The following RECQL variants were observed in gnomAD, a reference collection of about 807,000 sequenced individuals.
The protein encoded by RECQL is ATP-dependent DNA helicase Q1.
A neutral mutation model predicts 75.8 loss-of-function variants in RECQL; 73 were observed. That is an observed-to-expected ratio of 0.96 (90% CI 0.80 to 1.17). The LOEUF (loss-of-function observed/expected upper bound fraction) is 1.17. Ranked by LOEUF, RECQL falls within the 50% of genes most tolerant of loss-of-function variation. The probability of loss-of-function intolerance (pLI) is 0.00; values close to 1 mark genes in which losing one functional copy is unlikely to be tolerated. For synonymous variants in RECQL, 248 were observed against 254.4 expected (o/e 0.97, Z 0.24); for missense variants, 699 against 772.1 (o/e 0.91, Z 1.12).
intron 12 of RECQL, 133 bp from the exon 13 acceptor site, chr12:21,471,780 T>G (rs1317464898): frequency 4.4e-6 from 3 of 678,822 alleles, no homozygotes; most frequent in Non-Finnish European, 7.5e-6. Flanking sequence ...TTTTTAAATG[T>G]ATTCTGAATT....
chr12:21,496,056 C>T (rs760677213), intron 2 of RECQL, among the ~76,000 whole-genome samples: 8 of 152,208 alleles, frequency 5.3e-5, no homozygotes, highest in Non-Finnish European at 8.8e-5. Context: ...CCTTTACCAA[C>T]CAATACAGCA....
intron 2 of RECQL, among the ~76,000 whole-genome samples, chr12:21,497,735 A>G (rs1490163823): frequency 6.6e-6 from 1 of 152,210 alleles, no homozygotes; most frequent in African/African-American, 2.4e-5. Context: ...GACATTGACC[A>G]CACTTGTCCT....
At chr12:21,498,788 C>T (rs1053172697) in intron 2 of RECQL, among the ~76,000 whole-genome samples, 3 of 152,166 alleles carry the variant, frequency 2.0e-5, no homozygotes, top group African/African-American at 7.2e-5. Context: ...AGCAAAGACC[C>T]ATTACCAACT....
chr12:21,489,311 A>C (rs1245533989), intron 4 of RECQL, among the ~76,000 whole-genome samples: 1 of 152,212 alleles, frequency 6.6e-6, no homozygotes, highest in Non-Finnish European at 1.5e-5. Context: ...CAAGGAGACC[A>C]TATGGACCAC....
At position 21,471,023 on chromosome 12, in the gene RECQL, A is replaced by T. The variant is rs1252730738; in HGVS notation, c.1743T>A (p.Asn581Lys). The change falls in exon 14 of 15, where the codon AAT becomes AAA. Residue 581 changes from asparagine to lysine, a missense_variant. Asn to Lys is a moderately conservative substitution (Grantham distance 94). Around this residue, in one of 2 missense-constraint regions of RECQL, gnomAD observed 669 missense variants for 713.5 expected, o/e 0.94. Coordinates refer to ENST00000444129, the MANE Select transcript of RECQL (RefSeq NM_002907.4). ...CTTGCATAGTAATAGCATGTGCCTC[A>T]TTGTTCAGAAGATTAGCTTTAGGTC... ...KIGPKANLLN[N>K]EAHAITMQVT... 3 of 1,598,914 alleles carry T rather than the reference A, an allele frequency of 1.9e-6. No individual in the cohort carries two copies. Among genetic ancestry groups the T allele is most frequent in the Non-Finnish European group, 2.6e-6 (3 of 1,174,152 alleles).
At chr12:21,497,887 T>C (rs1943537660) in intron 2 of RECQL, among the ~76,000 whole-genome samples, 1 of 152,208 alleles carries the variant, frequency 6.6e-6, no homozygotes, top group South Asian at 2.1e-4. Flanking sequence ...CACCATTCTC[T>C]GTGGGGACAG....
chr12:21,484,521 G>T (rs1159497901), intron 5 of RECQL, among the ~76,000 whole-genome samples: 1 of 152,072 alleles, frequency 6.6e-6, no homozygotes, highest in Non-Finnish European at 1.5e-5. Context: ...GAATGACATG[G>T]AGTTTAAATA....
At chr12:21,490,593 T>G (rs918802397) in intron 3 of RECQL, among the ~76,000 whole-genome samples, 3 of 152,150 alleles carry the variant, frequency 2.0e-5, no homozygotes, top group African/African-American at 4.8e-5. Flanking sequence ...GCCTATAATC[T>G]CAACAGTTTT....
In RECQL at chr12:21,477,002, A is replaced by C. The variant is rs752255394; in HGVS notation, c.868-10T>G. On this transcript the variant is annotated splice_polypyrimidine_tract_variant and intron_variant, in intron 7 of 14. Transcript: ENST00000444129. ...AGGGCTTCTGCCGAACCTAAAAAAA[A>C]CTTAACTTATTAAAAAGTAAATGAA... 2 of 1,596,758 alleles carry C rather than the reference A, an allele frequency of 1.3e-6. No individual in the cohort carries two copies. Among genetic ancestry groups the C allele is most frequent in the Non-Finnish European group, 1.7e-6 (2 of 1,171,330 alleles).
At chr12:21,484,318 T>G (rs1357653133) in intron 5 of RECQL, among the ~76,000 whole-genome samples, 1 of 152,190 alleles carries the variant, frequency 6.6e-6, no homozygotes, top group Non-Finnish European at 1.5e-5. Flanking sequence ...AGATATATTC[T>G]AGGATACAGA....
intron 12 of RECQL, 61 bp downstream of exon 12, chr12:21,473,488 ATC>A: frequency 8.1e-7 from 1 of 1,239,894 alleles, no homozygotes; most frequent in South Asian, 1.2e-5. Flanking sequence ...CTCAGAACGT[ATC>A]TCTGTCACTA....
chr12:21,472,832 T>C (rs1163329374), intron 12 of RECQL, among the ~76,000 whole-genome samples: 1 of 152,124 alleles, frequency 6.6e-6, no homozygotes. Flanking sequence ...ATAGTCTCTA[T>C]TTTGCACTAA....
chr12:21,498,688 C>G (rs192550750), intron 2 of RECQL, among the ~76,000 whole-genome samples: 1 of 152,194 alleles, frequency 6.6e-6, no homozygotes, highest in African/African-American at 2.4e-5. Flanking sequence ...TCTAGTGCAC[C>G]TCTCAGTATT....
Position 21,471,524 on chromosome 12 carries a change from G to A in RECQL, c.1571C>T (p.Ala524Val), listed in dbSNP as rs2137316464. 6.2e-7 allele frequency: 1 copy of A among 1,612,446 alleles called. No individual in the cohort carries two copies. The highest frequency in any genetic ancestry group is 1.1e-5 in the South Asian group (1 of 90,786). The change falls in exon 13 of 15, where the codon GCA becomes GTA. Residue 524 changes from alanine (A) to valine (V), a missense_variant. Physicochemically the swap from Ala to Val is moderately conservative, Grantham distance 64. This residue lies in a region of RECQL where 669 missense variants were observed against 713.5 expected (regional missense o/e 0.94). Coordinates refer to ENST00000444129, the MANE Select transcript of RECQL (RefSeq NM_002907.4). The stretch of plus-strand genomic sequence containing the variant: ...AACACCTGCTACTCTCAGTTTTGCT[G>A]CACCCTTTCCCATCCAAGAATCAAT... Reference protein sequence around the residue: ...KLIDSWMGKGAAKLRVAGVVA... With the variant: ...KLIDSWMGKGVAKLRVAGVVA...
intron 6 of RECQL, among the ~76,000 whole-genome samples, chr12:21,479,306 T>G (rs966281695): frequency 6.6e-6 from 1 of 152,012 alleles, no homozygotes; most frequent in East Asian, 1.9e-4. Flanking sequence ...CAGTTGATTC[T>G]AAGCTGAGAC....
At chr12:21,490,155 A>G in intron 4 of RECQL, 44 bp downstream of exon 4, 2 of 1,132,916 alleles carry the variant, frequency 1.8e-6, no homozygotes, top group Non-Finnish European at 2.5e-6. Flanking sequence ...AGGTATGATG[A>G]CAAAGCACTT....
chr12:21,492,889 T>G (rs1943439881), intron 2 of RECQL, among the ~76,000 whole-genome samples: 1 of 152,224 alleles, frequency 6.6e-6, no homozygotes, highest in African/African-American at 2.4e-5. Flanking sequence ...TTTGTCCTCA[T>G]GAATTTCAAC....
Position 21,491,550 on chromosome 12 carries a change from A to C in RECQL, c.183T>G (p.Tyr61Ter), listed in dbSNP as rs1348276446. The change falls in exon 3 of 15, where the codon TAT becomes TAG. Residue 61 changes from tyrosine (Y) to a stop codon, truncating the protein, a stop_gained. Transcript: ENST00000444129. LOFTEE classifies it high-confidence loss of function. Reference protein sequence around the residue: ...EDSDAGASNEYDSSPAAWNKE... With the variant: ...EDSDAGASNE Reference sequence around the variant, plus strand: ...TATTCCAAGCGGCAGGTGAAGAATCATATTCATTGCTTGCCCCGGCATCAG... The same window carrying C: ...TATTCCAAGCGGCAGGTGAAGAATCCTATTCATTGCTTGCCCCGGCATCAG... 1 of 1,611,882 alleles carries C rather than the reference A, an allele frequency of 6.2e-7. No individual in the cohort carries two copies.
At position 21,471,426 on chromosome 12, in the gene RECQL, A is replaced by T. The variant is rs879752320; in HGVS notation, c.1667+2T>A. 1.2e-6 allele frequency: 2 copies of T among 1,608,466 alleles called. No homozygotes were observed. Among genetic ancestry groups the T allele is most frequent in the Non-Finnish European group, 1.7e-6 (2 of 1,175,988 alleles). On this transcript the variant is annotated splice_donor_variant, in intron 13 of 14. Transcript: ENST00000444129. LOFTEE classifies it high-confidence loss of function. ...AAGAATAATGAATGAGTTTGTACATACTTAAGATACTGCTGTATTAGAAAG... is the reference window on the plus strand; with the variant it reads ...AAGAATAATGAATGAGTTTGTACATTCTTAAGATACTGCTGTATTAGAAAG...
Sources: allele counts gnomAD v4.1 joint callset (sites outside exome capture counted in the v4.1 genomes callset), GRCh38; gene constraint gnomAD v4.1.1; regional missense constraint gnomAD v4.1.1; transcripts MANE v1.5; gene names NCBI Gene and HGNC (gene_info 2026-07-23, HGNC 2026-07-21).